PRRC2A: variants seen among roughly 807,000 people sequenced by gnomAD.
PRRC2A encodes the protein proline rich coiled-coil 2A, also known as protein PRRC2A.
PRRC2A carries 59 observed loss-of-function variants against 224.6 expected under a neutral mutation model. The ratio of observed to expected loss-of-function variants is 0.26; its 90% confidence interval spans 0.21 to 0.33. The LOEUF (loss-of-function observed/expected upper bound fraction) is 0.33. Ranked by LOEUF, PRRC2A falls within the 10% of genes least tolerant of loss-of-function variation. The probability of loss-of-function intolerance (pLI) is 1.00; values close to 1 mark genes in which losing one functional copy is unlikely to be tolerated. For missense variants in PRRC2A, 3,095 were observed against 2,880.7 expected (o/e 1.07, Z -1.70); for synonymous variants, 1,194 against 1,109.5 (o/e 1.08, Z -1.51).
At chr6:31,629,103 T>C (rs779928048) in intron 12 of PRRC2A, 41 bp from the exon 13 acceptor site, 3 of 1,597,064 alleles carry the variant, frequency 1.9e-6, no homozygotes, top group Non-Finnish European at 2.6e-6. Flanking sequence ...GGAGTGTCTA[T>C]TGTTGGACTA....
intron 16 of PRRC2A, 133 bp downstream of exon 16, chr6:31,633,125 T>G (rs1776867922): frequency 7.7e-7 from 1 of 1,295,836 alleles, no homozygotes; most frequent in Admixed American, 2.9e-5. Flanking sequence ...TCAGTAGGAT[T>G]TCCATGTCTG....
chr6:31,633,925 G>A lies in PRRC2A; in HGVS notation c.4655G>A (p.Gly1552Glu), dbSNP rs144821309. Residue 1552 changes from glycine to glutamate, a missense_variant, in exon 18 of 31, where the codon GGG (glycine) becomes GAG (glutamate). Transcript: ENST00000376033. ...GVGGTPRDSA[G>E]VSPFPPKRRE... ...GGTGGGACTCCTCGGGACTCTGCCG[G>A]GGTTAGTCCCTTTCCCCCTAAACGT... 1.3e-6 allele frequency: 2 copies of A among 1,589,784 alleles called. No homozygotes were observed. The highest frequency in any genetic ancestry group is 2.7e-5 in the African/African-American group (2 of 73,088).
In PRRC2A at chr6:31,624,536, T is replaced by G. The variant is rs2150496221; in HGVS notation, c.463+14T>G. 1 of 1,603,848 alleles carries G rather than the reference T, an allele frequency of 6.2e-7. No individual in the cohort carries two copies. The highest frequency in any genetic ancestry group is 1.3e-5 in the African/African-American group (1 of 74,798). On this transcript the variant is annotated intron_variant, in intron 5 of 30. Transcript: ENST00000376033. ...CACATGGAGATGGTGAGTGCAGCAC[T>G]TAATTGGGGAGCTGTGTCTGGGCAC...
Position 31,635,414 on chromosome 6 carries a change from G to T in PRRC2A, c.5322G>T (p.Val1774=). The T allele has an allele frequency of 6.2e-7, 1 of 1,614,222 alleles. No individual in the cohort carries two copies. ...TSDKDSDLRL[V]VGDSLKAEKE... ...CACAGGACTCAGACTTACGCCTAGTGGTAGGAGACAGCTTGAAAGCAGAGA... is the reference window on the plus strand; with the variant it reads ...CACAGGACTCAGACTTACGCCTAGTTGTAGGAGACAGCTTGAAAGCAGAGA... The change falls in exon 23 of 31, where the codon GTG becomes GTT. Residue 1774 remains valine (V), a synonymous_variant. Coordinates refer to ENST00000376033, the MANE Select transcript of PRRC2A (RefSeq NM_004638.4).
At position 31,628,900 on chromosome 6, in the gene PRRC2A, G is replaced by A. The variant is rs1307516478; in HGVS notation, c.1766-244G>A. On this transcript the variant is annotated intron_variant, in intron 12 of 30. Transcript: ENST00000376033. Reference sequence around the variant, plus strand: ...TAAAAATGAAAACTATTTCCTATAGGCCAAGACTGAAGAAAGTACTGTTGT... The same window carrying A: ...TAAAAATGAAAACTATTTCCTATAGACCAAGACTGAAGAAAGTACTGTTGT... 66 of 519,156 alleles carry A rather than the reference G, an allele frequency of 1.3e-4. 1 individual carries two copies. The highest frequency in any genetic ancestry group is 1.7e-5 in the Non-Finnish European group (5 of 296,352). The allele number at this position is 519,156 out of a possible 1,614,324, so 32.2% of individuals were successfully genotyped here.
chr6:31,634,068 CT>C, intron 18 of PRRC2A, 79 bp downstream of exon 18: 1 of 1,579,516 alleles, frequency 6.3e-7, no homozygotes, highest in Non-Finnish European at 8.5e-7. Context: ...TCTCTGTTTT[CT>C]TTCCTGTTTC....
chr6:31,628,670 G>A (rs533009821), intron 12 of PRRC2A: 1 of 220,178 alleles, frequency 4.5e-6, no homozygotes, highest in Non-Finnish European at 9.0e-6. Flanking sequence ...AGTGAAACCC[G>A]TCTCTACTAA....
intron 9 of PRRC2A, 55 bp from the exon 10 acceptor site, chr6:31,626,717 T>A: frequency 6.8e-7 from 1 of 1,478,164 alleles, no homozygotes. Flanking sequence ...CCAGACTACC[T>A]CCCAAGATTG....
chr6:31,622,685 T>TACAGGGGACAGAG lies in PRRC2A; in HGVS notation c.-100-2_-90dup. The stretch of plus-strand genomic sequence containing the variant: ...GTTTTTAAGTTTCTGTTATGGTCTG[T>TACAGGGGACAGAG]ACAGGGGACAGAGACTGAGACACTT... On this transcript the variant is annotated splice_region_variant and splice_polypyrimidine_tract_variant and intron_variant, in intron 1 of 30. Transcript: ENST00000376033. 1 of 806,022 alleles carries TACAGGGGACAGAG rather than the reference T, an allele frequency of 1.2e-6. No individual in the cohort carries two copies. The highest frequency in any genetic ancestry group is 1.5e-5 in the South Asian group (1 of 67,380). 49.9% of individuals were successfully genotyped at this position (806,022 alleles called of 1,614,324 possible).
At chr6:31,635,367 A>G (rs917813595) in intron 22 of PRRC2A, 27 bp from the exon 23 acceptor site, 5 of 1,614,142 alleles carry the variant, frequency 3.1e-6, no homozygotes, top group Admixed American at 1.7e-5. Flanking sequence ...TCACGGGACA[A>G]TGTCTCCTGC....
At position 31,632,814 on chromosome 6, in the gene PRRC2A, A is replaced by T; in HGVS notation, c.4141A>T (p.Ser1381Cys). Reference protein sequence around the residue: ...GDLSQRAKDLSKRSFSSQRPG... With the variant: ...GDLSQRAKDLCKRSFSSQRPG... ...TCTGAGCCAGAGAGCCAAGGATTTGAGTAAACGGAGCTTCTCAAGTCAGCG... is the reference window on the plus strand; with the variant it reads ...TCTGAGCCAGAGAGCCAAGGATTTGTGTAAACGGAGCTTCTCAAGTCAGCG... The change falls in exon 16 of 31, where the codon AGT becomes TGT. Residue 1381 changes from serine (S) to cysteine (C), a missense_variant. Physicochemically the swap from Ser to Cys is moderately radical, Grantham distance 112. This residue lies in a region of PRRC2A where 2,001 missense variants were observed against 1,764.9 expected (regional missense o/e 1.13). Coordinates refer to ENST00000376033, the MANE Select transcript of PRRC2A (RefSeq NM_004638.4). 6.2e-7 allele frequency: 1 copy of T among 1,613,150 alleles called. No homozygotes were observed. Among genetic ancestry groups the T allele is most frequent in the Non-Finnish European group, 8.5e-7 (1 of 1,180,028 alleles).
At position 31,636,758 on chromosome 6, in the gene PRRC2A, A is replaced by C; in HGVS notation, c.5960A>C (p.Gln1987Pro). ...QQMLLPMVDS[Q>P]LPVVNFGSLP... The stretch of plus-strand genomic sequence containing the variant: ...ATGCTTCTACCCATGGTAGACTCAC[A>C]GCTGCCTGTGGTGAACTTTGGCTCC... The change falls in exon 28 of 31, where the codon CAG becomes CCG. Residue 1987 changes from glutamine to proline, a missense_variant. This residue lies in a region of PRRC2A where 662 missense variants were observed against 609.5 expected (regional missense o/e 1.09). Transcript: ENST00000376033. This position sits in a 1 kb window ranked among gnomAD's most constrained non-coding sequence, Gnocchi z 4.3. 6.2e-7 allele frequency: 1 copy of C among 1,606,926 alleles called. No individual in the cohort carries two copies. The highest frequency in any genetic ancestry group is 8.5e-7 in the Non-Finnish European group (1 of 1,179,996).
Position 31,625,155 on chromosome 6 carries a change from A to G in PRRC2A, c.464-16A>G. ...AAATGTCTTCTGTCTCCTGTTCTGC[A>G]TCCCCATCCTAATAGGTGGAAGGGC... is the stretch of plus-strand genomic sequence containing the variant. On this transcript the variant is annotated splice_polypyrimidine_tract_variant and intron_variant, in intron 5 of 30. Transcript: ENST00000376033. This position sits in a 1 kb window ranked among gnomAD's most constrained non-coding sequence, Gnocchi z 4.1. 6.2e-7 allele frequency: 1 copy of G among 1,607,756 alleles called. No homozygotes were observed. The highest frequency in any genetic ancestry group is 8.5e-7 in the Non-Finnish European group (1 of 1,175,946).
In PRRC2A at chr6:31,632,084, C is replaced by A; in HGVS notation, c.3411C>A (p.Leu1137=). The A allele has an allele frequency of 6.4e-7, 1 of 1,552,866 alleles. No individual in the cohort carries two copies. Among genetic ancestry groups the A allele is most frequent in the South Asian group, 1.2e-5 (1 of 81,468 alleles). Residue 1137 remains leucine, a synonymous_variant, in exon 16 of 31, where the codon CTC becomes CTA. Coordinates refer to ENST00000376033, the MANE Select transcript of PRRC2A (RefSeq NM_004638.4). The part of the protein sequence containing the change: ...PKEGTLTQVP[L]APPPPGAPPS... ...AGGGAACACTCACCCAGGTCCCTCT[C>A]GCTCCCCCACCACCAGGAGCCCCAC...
rs939064718 is a variant in PRRC2A at position 31,624,982 on chromosome 6, G to A, written c.464-189G>A. On this transcript the variant is annotated intron_variant, in intron 5 of 30. Coordinates refer to ENST00000376033, the MANE Select transcript of PRRC2A (RefSeq NM_004638.4). ...CCAGCTAATTTTTTGTGTGTTTTTA[G>A]TAGAGATGGGGTTTCACATGTTGGC... is the stretch of plus-strand genomic sequence containing the variant. 6.2e-6 allele frequency: 4 copies of A among 644,254 alleles called. No individual in the cohort carries two copies. In the African/African-American group the frequency reaches 7.3e-5, roughly 12 times the overall value. The allele number at this position is 644,254 out of a possible 1,614,324, so 39.9% of individuals were successfully genotyped here.
rs2150512739 is a variant in PRRC2A, at chr6:31,629,754, C to T, written c.2163C>T (p.Pro721=). 1.9e-6 allele frequency: 3 copies of T among 1,612,938 alleles called. No homozygotes were observed. Among genetic ancestry groups the T allele is most frequent in the Non-Finnish European group, 2.5e-6 (3 of 1,179,390 alleles). The change falls in exon 14 of 31, where the codon CCC becomes CCT. Residue 721 remains proline, a synonymous_variant. Coordinates refer to ENST00000376033, the MANE Select transcript of PRRC2A (RefSeq NM_004638.4). The part of the protein sequence containing the change: ...PPPMPPMNFD[P]RWMMIPPYVD... ...CCATGCCCCCAATGAACTTTGATCC[C>T]CGATGGATGATGATTCCTCCTTATG...
In PRRC2A at chr6:31,636,168, C is replaced by T. The variant is rs541697058; in HGVS notation, c.5625-41C>T. 58 of 1,590,698 alleles carry T rather than the reference C, an allele frequency of 3.6e-5. No individual in the cohort carries two copies. In the South Asian group the frequency reaches 5.6e-4, roughly 15 times the overall value. On this transcript the variant is annotated intron_variant, in intron 25 of 30. Coordinates refer to ENST00000376033, the MANE Select transcript of PRRC2A (RefSeq NM_004638.4). This position sits in a 1 kb window ranked among gnomAD's most constrained non-coding sequence, Gnocchi z 4.3. ...GTGGACTTAAGGCATTGCTAGGACT[C>T]TGGCTTCCTAACAGCTTTTCTCCCC...
rs1379547548 is a variant in PRRC2A at position 31,632,821 on chromosome 6, G to C, written c.4148G>C (p.Arg1383Pro). The change falls in exon 16 of 31, where the codon CGG becomes CCG. Residue 1383 changes from arginine (R) to proline (P), a missense_variant. By Grantham distance (103) the Arg-to-Pro change is moderately radical (BLOSUM62 -2). Transcript: ENST00000376033. ...LSQRAKDLSK[R>P]SFSSQRPGME... ...CAGAGAGCCAAGGATTTGAGTAAACGGAGCTTCTCAAGTCAGCGGCCAGGC... is the reference window on the plus strand; with the variant it reads ...CAGAGAGCCAAGGATTTGAGTAAACCGAGCTTCTCAAGTCAGCGGCCAGGC... 1 of 1,613,034 alleles carries C rather than the reference G, an allele frequency of 6.2e-7. No homozygotes were observed. Among genetic ancestry groups the C allele is most frequent in the Non-Finnish European group, 8.5e-7 (1 of 1,180,040 alleles).
In PRRC2A at chr6:31,634,246, C is replaced by T; in HGVS notation, c.4730C>T (p.Pro1577Leu). The T allele has an allele frequency of 6.3e-7, 1 of 1,582,202 alleles. No individual in the cohort carries two copies. Among genetic ancestry groups the T allele is most frequent in the East Asian group, 2.2e-5 (1 of 44,696 alleles). ...CCTTCTCATCTGTAGGAATCTTTGCCACCTCCTCATAGCTCTGGATTCTTG... is the reference window on the plus strand; with the variant it reads ...CCTTCTCATCTGTAGGAATCTTTGCTACCTCCTCATAGCTCTGGATTCTTG... Reference protein sequence around the residue: ...KPELLQEESLPPPHSSGFLGS... With the variant: ...KPELLQEESLLPPHSSGFLGS... The change falls in exon 19 of 31, where the codon CCA becomes CTA. Residue 1577 changes from proline to leucine, a missense_variant. Pro to Leu is a moderately conservative substitution (Grantham distance 98). Around this residue, in one of 8 missense-constraint regions of PRRC2A, gnomAD observed 2,001 missense variants for 1,764.9 expected, o/e 1.13. Coordinates refer to ENST00000376033, the MANE Select transcript of PRRC2A (RefSeq NM_004638.4).
Sources: gnomAD v4.1 joint callset for allele counts on GRCh38, gnomAD v4.1.1 for gene constraint, gnomAD v4.1.1 regional missense constraint, Gnocchi (gnomAD v3.1) non-coding constraint, MANE v1.5 for transcripts, NCBI Gene and HGNC (gene_info 2026-07-23, HGNC 2026-07-21) for gene names.